The following SEMA3C variants were observed in gnomAD, a reference collection of about 807,000 sequenced individuals.
SEMA3C encodes semaphorin 3C, also known as semaphorin-3C.
SEMA3C carries 47 observed loss-of-function variants against 89.4 expected under a neutral mutation model. The ratio of observed to expected loss-of-function variants is 0.53; its 90% CI spans 0.42 to 0.67. The LOEUF is 0.67. Ranked by LOEUF, SEMA3C falls within the 30% of genes least tolerant of loss-of-function variation. SEMA3C has a pLI of 0.00. For missense variants in SEMA3C, 839 were observed against 929.1 expected (o/e 0.90, Z 1.26); for synonymous variants, 310 against 320.2 (o/e 0.97, Z 0.34).
At chr7:80,776,023 T>G (rs999107593) in intron 12 of SEMA3C, among the ~76,000 whole-genome samples, 4 of 151,848 alleles carry the variant, frequency 2.6e-5, no homozygotes, top group African/African-American at 9.7e-5. Flanking sequence ...GTATACATCC[T>G]CAAAAGCAGA....
chr7:80,892,987 C>T (rs1447247295), intron 2 of SEMA3C, among the ~76,000 whole-genome samples: 1 of 152,158 alleles, frequency 6.6e-6, no homozygotes, highest in Non-Finnish European at 1.5e-5. Context: ...GATTGTGTTA[C>T]ATTGAGCAAC....
chr7:80,798,315 T>C (rs768945602), intron 10 of SEMA3C, 79 bp from the exon 11 acceptor site: 218 of 1,187,962 alleles, frequency 1.8e-4, no homozygotes, highest in Non-Finnish European at 2.3e-4. Context: ...GTAAAATTTA[T>C]GATAAAAAGT....
chr7:80,800,022 G>A (rs1181163704), intron 10 of SEMA3C, among the ~76,000 whole-genome samples: 2 of 150,020 alleles, frequency 1.3e-5, no homozygotes, highest in African/African-American at 2.5e-5. Context: ...GCGTGGTGGC[G>A]GGCGCCTGTA....
chr7:80,881,156 G>C (rs779679573), intron 2 of SEMA3C, among the ~76,000 whole-genome samples: 1 of 140,640 alleles, frequency 7.1e-6, no homozygotes, highest in African/African-American at 2.8e-5. Context: ...TTGTTGCCTG[G>C]AGAAAGAAAC....
chr7:80,826,331 T>A (rs911745791), intron 4 of SEMA3C, among the ~76,000 whole-genome samples: 2 of 152,146 alleles, frequency 1.3e-5, no homozygotes, highest in South Asian at 4.1e-4. Flanking sequence ...TTAGACAACA[T>A]TTTTTAACAC....
intron 12 of SEMA3C, among the ~76,000 whole-genome samples, chr7:80,777,629 A>T (rs1351231420): frequency 6.6e-6 from 1 of 152,172 alleles, no homozygotes; most frequent in Non-Finnish European, 1.5e-5. Context: ...GTGAAGTCAC[A>T]ACCAAAATTA....
At chr7:80,780,559 A>C (rs567056245) in intron 12 of SEMA3C, among the ~76,000 whole-genome samples, 1 of 152,314 alleles carries the variant, frequency 6.6e-6, no homozygotes, top group Admixed American at 6.5e-5. Context: ...TGCTGTCATG[A>C]ACAAATTATT....
At chr7:80,749,743 G>A (rs964976260) in intron 16 of SEMA3C, among the ~76,000 whole-genome samples, 8 of 152,098 alleles carry the variant, frequency 5.3e-5, no homozygotes, top group Non-Finnish European at 1.0e-4. Context: ...TTGCCAGGTG[G>A]TAGCTTAGAC....
intron 2 of SEMA3C, among the ~76,000 whole-genome samples, chr7:80,876,869 G>C (rs1429328091): frequency 6.6e-6 from 1 of 152,062 alleles, no homozygotes; most frequent in African/African-American, 2.4e-5. Flanking sequence ...AATGCTGCTG[G>C]TCTCCCAAAC....
chr7:80,811,889 C>G (rs1789477984), intron 5 of SEMA3C, among the ~76,000 whole-genome samples: 1 of 152,102 alleles, frequency 6.6e-6, no homozygotes, highest in African/African-American at 2.4e-5. Context: ...TATATAGTCG[C>G]AATCAACAGA....
intron 2 of SEMA3C, among the ~76,000 whole-genome samples, chr7:80,831,165 G>A (rs1009408697): frequency 5.3e-5 from 8 of 152,208 alleles, no homozygotes; most frequent in Admixed American, 3.9e-4. Context: ...GACATACACA[G>A]ACTAGCGCAG....
chr7:80,889,907 A>G (rs1199656420), intron 2 of SEMA3C, among the ~76,000 whole-genome samples: 11 of 152,312 alleles, frequency 7.2e-5, no homozygotes, highest in South Asian at 6.2e-4. Flanking sequence ...TACCTTTGGT[A>G]TCTTTAAGCA....
At chr7:80,876,317 C>G (rs1346175336) in intron 2 of SEMA3C, among the ~76,000 whole-genome samples, 4 of 152,014 alleles carry the variant, frequency 2.6e-5, no homozygotes, top group Non-Finnish European at 5.9e-5. Context: ...AAGCATTTAA[C>G]TTAAGTATTT....
intron 2 of SEMA3C, among the ~76,000 whole-genome samples, chr7:80,848,593 G>C (rs1434219764): frequency 6.6e-6 from 1 of 152,096 alleles, no homozygotes; most frequent in South Asian, 2.1e-4. Context: ...CTTTATAAAA[G>C]GATAAAACAA....
chr7:80,804,630 C>G (rs1427386474), intron 7 of SEMA3C, among the ~76,000 whole-genome samples: 1 of 152,024 alleles, frequency 6.6e-6, no homozygotes, highest in Non-Finnish European at 1.5e-5. Flanking sequence ...AGTTGGAAGT[C>G]CAAACTCTGA....
At chr7:80,779,226 G>A (rs184299728) in intron 12 of SEMA3C, among the ~76,000 whole-genome samples, 50 of 152,216 alleles carry the variant, frequency 3.3e-4, no homozygotes, top group African/African-American at 1.1e-3. Context: ...GTAAAATGGG[G>A]ATAATGATTT....
chr7:80,859,855 A>G (rs747276830), intron 2 of SEMA3C, among the ~76,000 whole-genome samples: 14 of 151,958 alleles, frequency 9.2e-5, no homozygotes, highest in Non-Finnish European at 1.6e-4. Flanking sequence ...AAATTTAGCA[A>G]TCTCTAACAC....
intron 2 of SEMA3C, among the ~76,000 whole-genome samples, chr7:80,909,054 T>G (rs1055124981): frequency 1.3e-5 from 2 of 152,120 alleles, no homozygotes; most frequent in Admixed American, 1.3e-4. Context: ...AAATATAATG[T>G]AATTTTACTC....
rs1459371120 is a variant in SEMA3C, at chr7:80,758,463, T to C, written c.1511A>G (p.Glu504Gly). Reference protein sequence around the residue: ...KKQQLYVSSNEGVSQVSLHRC... With the variant: ...KKQQLYVSSNGGVSQVSLHRC... The stretch of plus-strand genomic sequence containing the variant: ...GTGCAGAGATACCTGGGAAACCCCT[T>C]CATTGGAACTCACATACAACTGTTG... Residue 504 changes from glutamate to glycine, a missense_variant, in exon 15 of 18, where the codon GAA becomes GGA. By Grantham distance (98) the Glu-to-Gly change is moderately conservative. Transcript: ENST00000265361. 1.2e-6 allele frequency: 2 copies of C among 1,613,798 alleles called. No homozygotes were observed. Among genetic ancestry groups the C allele is most frequent in the Non-Finnish European group, 1.7e-6 (2 of 1,179,864 alleles).
Sources: allele counts gnomAD v4.1 joint callset (sites outside exome capture counted in the v4.1 genomes callset), GRCh38; gene constraint gnomAD v4.1.1; transcripts MANE v1.5; gene names NCBI Gene and HGNC (gene_info 2026-07-23, HGNC 2026-07-21).